ZPBP: variants seen among roughly 807,000 people sequenced by gnomAD.
The protein encoded by ZPBP is zona pellucida binding protein.
A neutral mutation model predicts 44.8 loss-of-function variants in ZPBP; 26 were observed. That is an observed-to-expected ratio of 0.58 (90% CI 0.43 to 0.81). ZPBP has a LOEUF of 0.81. Among genes scored for constraint, ZPBP ranks in the 30% least tolerant of loss-of-function variants. The pLI, the probability that ZPBP is intolerant of heterozygous loss-of-function variation, is 0.00. For missense variants in ZPBP, 409 were observed against 434.0 expected (o/e 0.94, Z 0.51); for synonymous variants, 174 against 153.2 (o/e 1.14, Z -1.00).
intron 2 of ZPBP, among the ~76,000 whole-genome samples, chr7:49,863,016 A>G (rs1790721125): frequency 6.6e-6 from 1 of 152,140 alleles, no homozygotes; most frequent in Non-Finnish European, 1.5e-5. Flanking sequence ...CTTCTATTAT[A>G]TGGAAGAGTT....
intron 3 of ZPBP, among the ~76,000 whole-genome samples, chr7:50,071,419 C>T (rs1801827282): frequency 6.6e-6 from 1 of 152,164 alleles, no homozygotes; most frequent in Non-Finnish European, 1.5e-5. Context: ...TCCAAGTAAA[C>T]TTGAAAGGCA....
At chr7:49,947,531 GTTCTC>G (rs947952917) in intron 7 of ZPBP, among the ~76,000 whole-genome samples, 2 of 152,196 alleles carry the variant, frequency 1.3e-5, no homozygotes, top group African/African-American at 4.8e-5. Context: ...AGAGACTCTT[GTTCTC>G]TTCTCTTATT....
At chr7:49,981,601 A>ATTATAT (rs1796951201) in intron 7 of ZPBP, among the ~76,000 whole-genome samples, 6 of 23,922 alleles carry the variant, frequency 2.5e-4, no homozygotes, top group African/African-American at 5.5e-4. Flanking sequence ...ATAATTATAT[A>ATTATAT]AATTATATAA....
intron 4 of ZPBP, among the ~76,000 whole-genome samples, chr7:50,050,707 C>T (rs1047395580): frequency 7.3e-5 from 10 of 136,472 alleles, no homozygotes; most frequent in African/African-American, 1.9e-4. Context: ...GGACCCTTTC[C>T]TTATACCTTA....
chr7:50,030,622 T>A (rs938653858), intron 5 of ZPBP, among the ~76,000 whole-genome samples: 5 of 152,032 alleles, frequency 3.3e-5, no homozygotes, highest in Admixed American at 6.6e-5. Flanking sequence ...TATTCCTAAG[T>A]GGTCATTCAT....
At chr7:50,018,458 T>A in intron 5 of ZPBP, 142 bp from the exon 6 acceptor site, 1 of 664,292 alleles carries the variant, frequency 1.5e-6, no homozygotes, top group Non-Finnish European at 2.5e-6. Flanking sequence ...AAATGACTCT[T>A]CAGCAAAAAA....
At chr7:49,921,053 C>T (rs1036582562) in intron 1 of ZPBP, 3 of 152,188 alleles carry the variant, frequency 2.0e-5, no homozygotes, top group Non-Finnish European at 4.4e-5. Context: ...ATCAATTTTA[C>T]CTAACAACTG....
Position 50,004,206 on chromosome 7 carries a change from G to A in ZPBP, c.783+14034C>T, listed in dbSNP as rs971413546. Among the ~76,000 whole-genome samples the A allele has an allele frequency of 2.0e-5, 3 of 152,118 alleles. No individual in the cohort carries two copies. The East Asian group carries it at 5.8e-4, about 29-fold the overall frequency. On this transcript the variant is annotated intron_variant, in intron 6 of 7. Transcript: ENST00000046087. Reference sequence around the variant, plus strand: ...GAACAAAGCAGGTGGAAGAAAGTGGGATAAGTTTGCTTGCTGAGTCCTCTA... The same window carrying A: ...GAACAAAGCAGGTGGAAGAAAGTGGAATAAGTTTGCTTGCTGAGTCCTCTA...
At chr7:49,894,655 C>T (rs1792293025) in intron 2 of ZPBP, among the ~76,000 whole-genome samples, 1 of 152,190 alleles carries the variant, frequency 6.6e-6, no homozygotes, top group Admixed American at 6.5e-5. Flanking sequence ...TGTGTTGGCT[C>T]CTGTCCTGAG....
At chr7:50,011,941 C>T (rs1798603359) in intron 6 of ZPBP, among the ~76,000 whole-genome samples, 1 of 150,290 alleles carries the variant, frequency 6.7e-6, no homozygotes, top group Non-Finnish European at 1.5e-5. Flanking sequence ...TGATGCAGGA[C>T]AATTGCTTGA....
At chr7:49,912,330 C>G in intron 1 of ZPBP, 1 of 762,994 alleles carries the variant, frequency 1.3e-6, no homozygotes. Context: ...TTCTTGATAA[C>G]AGTTACTACA....
intron 6 of ZPBP, among the ~76,000 whole-genome samples, chr7:49,985,345 T>C (rs552583299): frequency 6.6e-6 from 1 of 152,352 alleles, no homozygotes; most frequent in African/African-American, 2.4e-5. Flanking sequence ...CTCTTGTTTA[T>C]ATCATTTAGC....
At chr7:49,842,069 T>C in the ZPBP span, among the ~76,000 whole-genome samples, 52 of 152,282 alleles carry the variant, frequency 3.4e-4, 1 homozygote, top group African/African-American at 1.2e-3. Flanking sequence ...GGTTTCACCA[T>C]GTTGCCCAGG....
intron 6 of ZPBP, among the ~76,000 whole-genome samples, chr7:50,012,152 A>G (rs1798617347): frequency 6.6e-6 from 1 of 152,148 alleles, no homozygotes; most frequent in East Asian, 1.9e-4. Context: ...TATCAGAAAG[A>G]TAATATTAGA....
chr7:49,888,349 C>A (rs916840246), intron 2 of ZPBP, among the ~76,000 whole-genome samples: 6 of 152,152 alleles, frequency 3.9e-5, no homozygotes, highest in Non-Finnish European at 8.8e-5. Context: ...TAGATGATCA[C>A]TGATTTTCCT....
chr7:49,849,657 G>T (rs369373003), downstream of ZPBP, among the ~76,000 whole-genome samples: 29 of 152,302 alleles, frequency 1.9e-4, no homozygotes, highest in African/African-American at 6.3e-4. Flanking sequence ...TCTAACGCTG[G>T]GTGCTTGTTT....
intron 3 of ZPBP, among the ~76,000 whole-genome samples, chr7:50,063,056 G>T: frequency 6.6e-6 from 1 of 152,156 alleles, no homozygotes; most frequent in Non-Finnish European, 1.5e-5. Flanking sequence ...AATTAATTGA[G>T]ACATGCATTA....
At position 49,913,058 on chromosome 7, in the gene ZPBP, C is replaced by T. The variant is rs988951141; in HGVS notation, n.412-11843G>A. 3 of 152,088 alleles carry T rather than the reference C, an allele frequency of 2.0e-5. No homozygotes were observed. In the East Asian group the frequency reaches 5.8e-4, roughly 29 times the overall value. 9.4% of individuals were successfully genotyped at this position (152,088 alleles called of 1,614,324 possible). ...AGGATAGTTAAGGAAAATCAAACTC[C>T]TAAACAAGTTTATATACCTGAAATC... On this transcript the variant is annotated intron_variant and non_coding_transcript_variant, in intron 1 of 2. Coordinates refer to the ZPBP transcript ENST00000465922.
intron 6 of ZPBP, among the ~76,000 whole-genome samples, chr7:49,993,152 T>TA (rs1479572705): frequency 6.6e-6 from 1 of 151,710 alleles, no homozygotes; most frequent in South Asian, 2.1e-4. Context: ...AAAAATAAGG[T>TA]AAAAAAAGTT....
Sources: gnomAD v4.1 joint callset for allele counts (sites outside exome capture counted in the v4.1 genomes callset) on GRCh38, gnomAD v4.1.1 for gene constraint, MANE v1.5 for transcripts, NCBI Gene and HGNC (gene_info 2026-07-23, HGNC 2026-07-21) for gene names.